The following RAI1 variants were observed in gnomAD, a reference collection of about 807,000 sequenced individuals.
The protein encoded by RAI1 is retinoic acid induced 1, also known as retinoic acid-induced protein 1.
RAI1 carries 9 observed loss-of-function variants against 123.8 expected under a neutral mutation model. That is an observed-to-expected ratio of 0.07 (90% CI 0.04 to 0.13). The LOEUF (loss-of-function observed/expected upper bound fraction) is 0.13. Ranked by LOEUF, RAI1 falls within the 10% of genes least tolerant of loss-of-function variation. The probability of loss-of-function intolerance (pLI) is 1.00; values close to 1 mark genes in which losing one functional copy is unlikely to be tolerated. For synonymous variants in RAI1, 1,231 were observed against 1,127.3 expected, an observed-to-expected ratio of 1.09 and a Z score of -1.84; for missense variants, 2,256 against 2,545.8, an observed-to-expected ratio of 0.89 and a Z score of 2.45.
intron 1 of RAI1, among the ~76,000 whole-genome samples, chr17:17,688,102 C>A (rs1398411206): frequency 6.6e-6 from 1 of 150,396 alleles, no homozygotes; most frequent in Admixed American, 6.6e-5. Context: ...TAGCTTGGGG[C>A]CATAAACAGG....
intron 1 of RAI1, among the ~76,000 whole-genome samples, chr17:17,703,465 A>T (rs1598022171): frequency 1.3e-5 from 2 of 152,082 alleles, no homozygotes; most frequent in East Asian, 3.9e-4. Flanking sequence ...TAGCGTCGGG[A>T]GCAGGAGTTC....
At chr17:17,697,546 G>A (rs1482909188) in intron 1 of RAI1, among the ~76,000 whole-genome samples, 5 of 152,254 alleles carry the variant, frequency 3.3e-5, no homozygotes, top group East Asian at 1.9e-4. Context: ...GGCTGGGGCC[G>A]AGATTGATGT....
chr17:17,691,964 G>A (rs192766848), intron 1 of RAI1, among the ~76,000 whole-genome samples: 88 of 152,290 alleles, frequency 5.8e-4, no homozygotes, highest in Non-Finnish European at 5.9e-5. Flanking sequence ...TGAGGGAGGC[G>A]GGAAGTAATC....
chr17:17,798,120 G>T lies in RAI1; in HGVS notation c.5172G>T (p.Arg1724=), dbSNP rs766240657. 7 of 1,613,840 alleles carry T rather than the reference G, an allele frequency of 4.3e-6. No homozygotes were observed. Among genetic ancestry groups the T allele is most frequent in the Admixed American group, 1.7e-5 (1 of 60,030 alleles). Residue 1724 remains arginine, a synonymous_variant, in exon 3 of 6, where the codon CGG becomes CGT. Coordinates refer to ENST00000353383, the MANE Select transcript of RAI1 (RefSeq NM_030665.4). The stretch of plus-strand genomic sequence containing the variant: ...AGCCAAAACTCAAGGAGAAGGTGCG[G>T]CCAGAAGGCACCTGTGAGGAGGCCT... ...KKKPKLKEKV[R]PEGTCEEASL... is the part of the protein sequence containing the mutation.
At position 17,681,795 on chromosome 17, in the gene RAI1, T is replaced by TGA. The variant is rs1337142295; in HGVS notation, c.-149+4_-149+5dup. The TGA allele has an allele frequency of 3.1e-6, 1 of 318,062 alleles. No individual in the cohort carries two copies. Among genetic ancestry groups the TGA allele is most frequent in the East Asian group, 4.7e-5 (1 of 21,380 alleles). The allele number at this position is 318,062 out of a possible 1,614,324, so 19.7% of individuals were successfully genotyped here. A position where few individuals can be genotyped will look rare whatever the true frequency, so the allele number is the denominator to read the frequency against. The stretch of plus-strand genomic sequence containing the variant: ...CCCCGAGTGAGCGCGGGCGCCGAGG[T>TGA]GAGCAGCGAGCGCCGGGGCGCGGGG... On this transcript the variant is annotated splice_region_variant and intron_variant, in intron 1 of 5. Transcript: ENST00000353383.
At chr17:17,769,647 G>A (rs1456147087) in intron 2 of RAI1, among the ~76,000 whole-genome samples, 2 of 152,122 alleles carry the variant, frequency 1.3e-5, no homozygotes, top group Non-Finnish European at 2.9e-5. Context: ...GTGGCAGTGA[G>A]GATGGGGAGG....
At chr17:17,735,946 G>A (rs1567860097) in intron 2 of RAI1, among the ~76,000 whole-genome samples, 2 of 152,114 alleles carry the variant, frequency 1.3e-5, no homozygotes, top group African/African-American at 4.8e-5. Flanking sequence ...AGGAATATAG[G>A]GGACTGTGAT....
At chr17:17,694,361 C>T (rs1291088898) in intron 1 of RAI1, among the ~76,000 whole-genome samples, 10 of 152,084 alleles carry the variant, frequency 6.6e-5, no homozygotes, top group Admixed American at 6.5e-4. Context: ...GGAAGACGGG[C>T]CTTCCTGTGG....
In RAI1 at chr17:17,796,089, G is replaced by A. The variant is rs1337640374; in HGVS notation, c.3141G>A (p.Gly1047=). ...AAGGGGCTGGAGCCCCAGGCCGGGG[G>A]GCCTCGGAAGGGCTCCCCAGGATGT... The part of the protein sequence containing the change: ...QMEGAGAPGR[G]ASEGLPRMCT... The change falls in exon 3 of 6, where the codon GGG becomes GGA. Residue 1047 remains glycine (G), a synonymous_variant. Transcript: ENST00000353383. The surrounding 1 kb of genome is among the most constrained non-coding windows in gnomAD (Gnocchi z 5.8). 6.3e-7 allele frequency: 1 copy of A among 1,580,726 alleles called. No individual in the cohort carries two copies.
rs753973733 is a variant in RAI1, at chr17:17,810,450, CAG to C, written c.*470_*471del. The C allele has an allele frequency of 9.7e-5, 23 of 236,180 alleles. No homozygotes were observed. The highest frequency in any genetic ancestry group is 2.2e-4 in the Admixed American group (4 of 18,120). The allele number at this position is 236,180 out of a possible 1,614,324, so 14.6% of individuals were successfully genotyped here. ...CTGGGCTTGGGGGTGGGGGTCGAAA[CAG>C]TACTGGAAGAGGCGGAGGGCGGCTC... On this transcript the variant is annotated 3_prime_UTR_variant, in exon 6 of 6. Coordinates refer to ENST00000353383, the MANE Select transcript of RAI1 (RefSeq NM_030665.4). The surrounding 1 kb of genome is among the most constrained non-coding windows in gnomAD (Gnocchi z 4.6).
In RAI1 at chr17:17,797,797, C is replaced by G; in HGVS notation, c.4849C>G (p.Pro1617Ala). ...FTTICTVVNS[P>A]GDAPKPHRKP... ...CACCATATGCACTGTTGTCAACTCC[C>G]CTGGAGATGCGCCCAAGCCCCACAG... Residue 1617 changes from proline (P) to alanine (A), a missense_variant, in exon 3 of 6, where the codon CCT becomes GCT. Coordinates refer to ENST00000353383, the MANE Select transcript of RAI1 (RefSeq NM_030665.4). The G allele has an allele frequency of 6.2e-7, 1 of 1,614,068 alleles. No individual in the cohort carries two copies. The highest frequency in any genetic ancestry group is 8.5e-7 in the Non-Finnish European group (1 of 1,180,026).
chr17:17,778,423 G>A (rs1400614255), intron 2 of RAI1: 3 of 285,500 alleles, frequency 1.1e-5, no homozygotes, highest in African/African-American at 4.4e-5. Flanking sequence ...TCCCACAACA[G>A]CACTGAAAGT....
At chr17:17,771,876 C>T (rs1010147999) in intron 2 of RAI1, among the ~76,000 whole-genome samples, 1 of 152,202 alleles carries the variant, frequency 6.6e-6, no homozygotes, top group African/African-American at 2.4e-5. Flanking sequence ...AGGCCACCAC[C>T]ATACAGGCCT....
chr17:17,767,715 CCT>C (rs915805195), intron 2 of RAI1, among the ~76,000 whole-genome samples: 33 of 152,364 alleles, frequency 2.2e-4, no homozygotes, highest in African/African-American at 7.2e-4. Context: ...TCAGCCTTTG[CCT>C]CTCTGCAGGG....
At chr17:17,806,742 C>T (rs192911659) in intron 4 of RAI1, among the ~76,000 whole-genome samples, 32 of 152,340 alleles carry the variant, frequency 2.1e-4, no homozygotes, top group African/African-American at 7.5e-4. Flanking sequence ...CATGGCAGCC[C>T]CAGGGCTTTG....
chr17:17,788,370 T>C (rs1029123091), intron 2 of RAI1, among the ~76,000 whole-genome samples: 1 of 152,164 alleles, frequency 6.6e-6, no homozygotes, highest in Non-Finnish European at 1.5e-5. Context: ...GCCAGGCCCC[T>C]AGGATATGGA....
chr17:17,783,644 G>C (rs1195224055), intron 2 of RAI1, among the ~76,000 whole-genome samples: 2 of 152,094 alleles, frequency 1.3e-5, no homozygotes, highest in African/African-American at 4.8e-5. Flanking sequence ...CCCTGCTCGC[G>C]CTGGGGCGCG....
intron 2 of RAI1, among the ~76,000 whole-genome samples, chr17:17,745,429 GTTTGTTTTTGTT>G (rs1361647049): frequency 6.6e-6 from 1 of 151,194 alleles, no homozygotes; most frequent in Non-Finnish European, 1.5e-5. Flanking sequence ...GTGTGTGTGT[GTTTGTTTTTGTT>G]TTTGTTTTTT....
At chr17:17,759,032 C>T (rs2030570976) in intron 2 of RAI1, 1 of 152,210 alleles carries the variant, frequency 6.6e-6, no homozygotes, top group South Asian at 2.1e-4. Flanking sequence ...TGAGGAGGAA[C>T]AAAGATTTGG....
Sources: gnomAD v4.1 joint callset for allele counts (sites outside exome capture counted in the v4.1 genomes callset) on GRCh38, gnomAD v4.1.1 for gene constraint, Gnocchi (gnomAD v3.1) non-coding constraint, MANE v1.5 for transcripts, NCBI Gene and HGNC (gene_info 2026-07-23, HGNC 2026-07-21) for gene names.